USP14: variants seen among roughly 807,000 people sequenced by gnomAD.
USP14 encodes the protein ubiquitin specific peptidase 14.
In USP14, 38 loss-of-function variants were observed where a neutral mutation model predicts 76.5. That is an observed-to-expected ratio of 0.50 (90% CI 0.38 to 0.65). The LOEUF (loss-of-function observed/expected upper bound fraction) is 0.65, where lower values mean the gene tolerates loss of function less well. Among genes scored for constraint, USP14 ranks in the 30% least tolerant of loss-of-function variants. The probability of loss-of-function intolerance (pLI) is 0.00; values close to 1 mark genes in which losing one functional copy is unlikely to be tolerated. For missense variants in USP14, 467 were observed against 586.5 expected (o/e 0.80, Z 2.10); for synonymous variants, 192 against 191.7 (o/e 1.00, Z -0.01).
chr18:197,827 C>T, intron 8 of USP14, 131 bp downstream of exon 8: 1 of 721,502 alleles, frequency 1.4e-6, no homozygotes, highest in Non-Finnish European at 2.2e-6. Context: ...TTTAGATGCT[C>T]AATCTGTAGT....
intron 7 of USP14, 85 bp from the exon 8 acceptor site, chr18:197,531 G>T: frequency 2.8e-6 from 3 of 1,060,660 alleles, no homozygotes; most frequent in Non-Finnish European, 4.2e-6. Flanking sequence ...CCACTTTCTT[G>T]CCTAGGAGAC....
In USP14 at chr18:211,780, C is replaced by G. The variant is rs1251293574; in HGVS notation, c.*496C>G. ...GTTGCTCTCATTGTGTGACTCAGTG[C>G]TGCTGTCCATCCCATGGAAACATGG... On this transcript the variant is annotated 3_prime_UTR_variant, in exon 16 of 16. Coordinates refer to ENST00000261601, the MANE Select transcript of USP14 (RefSeq NM_005151.4). The G allele has an allele frequency of 6.5e-6, 1 of 152,772 alleles. No homozygotes were observed. The highest frequency in any genetic ancestry group is 1.5e-5 in the Non-Finnish European group (1 of 68,138). The allele number at this position is 152,772 out of a possible 1,614,324, so 9.5% of individuals were successfully genotyped here. A position where few individuals can be genotyped will look rare whatever the true frequency, so the allele number is the denominator to read the frequency against.
intron 3 of USP14, among the ~76,000 whole-genome samples, chr18:168,919 A>G (rs1486106571): frequency 2.0e-5 from 3 of 150,758 alleles, no homozygotes; most frequent in Non-Finnish European, 4.4e-5. Context: ...AAAAAAAAAT[A>G]CAAAACAATT....
chr18:187,404 A>G (rs961919291), intron 5 of USP14, among the ~76,000 whole-genome samples: 12 of 152,184 alleles, frequency 7.9e-5, no homozygotes, highest in Non-Finnish European at 1.6e-4. Context: ...CATATTTTAC[A>G]TATCTTTGAA....
intron 5 of USP14, among the ~76,000 whole-genome samples, chr18:188,346 A>G (rs1909990312): frequency 6.6e-6 from 1 of 152,090 alleles, no homozygotes; most frequent in Non-Finnish European, 1.5e-5. Context: ...TCTATTTGTG[A>G]TACATTATGT....
chr18:199,096 A>G (rs1910318857), intron 9 of USP14, 106 bp from the exon 10 acceptor site: 3 of 684,520 alleles, frequency 4.4e-6, no homozygotes, highest in Admixed American at 3.2e-5. Context: ...TTAAATGCCA[A>G]TGAATGATAC....
rs746881876 is a variant in USP14 at position 197,700 on chromosome 18, A to T, written c.675+4A>T. ...AGAGGATGATTCTGTTAAAGAGGTA[A>T]TTGAAATATATTTGTGATTATAGAC... On this transcript the variant is annotated splice_donor_region_variant and intron_variant, in intron 8 of 15. Coordinates refer to ENST00000261601, the MANE Select transcript of USP14 (RefSeq NM_005151.4). 1.5e-5 allele frequency: 24 copies of T among 1,602,772 alleles called. No homozygotes were observed. The highest frequency in any genetic ancestry group is 1.9e-5 in the Non-Finnish European group (22 of 1,172,944).
At chr18:168,829 T>C (rs1050456798) in intron 3 of USP14, among the ~76,000 whole-genome samples, 2 of 151,404 alleles carry the variant, frequency 1.3e-5, no homozygotes, top group African/African-American at 4.9e-5. Context: ...TCCCAGCACT[T>C]TGGGAGGCCG....
chr18:210,952 A>C (rs1332174096), intron 15 of USP14, among the ~76,000 whole-genome samples, 181 bp from the exon 16 acceptor site: 3 of 152,172 alleles, frequency 2.0e-5, no homozygotes, highest in Non-Finnish European at 4.4e-5. Context: ...AAGTAGTTGT[A>C]ACCTGGTGGA....
intron 14 of USP14, 105 bp from the exon 15 acceptor site, chr18:210,281 A>G: frequency 2.3e-6 from 2 of 865,342 alleles, no homozygotes; most frequent in Non-Finnish European, 3.6e-6. Context: ...TTGGATTCTG[A>G]TAATACTTTC....
intron 2 of USP14, among the ~76,000 whole-genome samples, chr18:164,463 C>CT (rs941877859): frequency 1.9e-4 from 28 of 145,632 alleles, no homozygotes; most frequent in Admixed American, 6.9e-4. Flanking sequence ...TTTTCTTTTT[C>CT]TTTTTTTTTG....
chr18:170,915 C>T lies in USP14; in HGVS notation c.195+4096C>T, dbSNP rs140588176. Among the ~76,000 whole-genome samples, 347 of 150,058 alleles carry T rather than the reference C, an allele frequency of 2.3e-3. 11 individuals are homozygous for T. The East Asian group carries it at 0.042, about 18-fold the overall frequency. On this transcript the variant is annotated intron_variant, in intron 3 of 15. Transcript: ENST00000261601. The stretch of plus-strand genomic sequence containing the variant: ...TAGCTAATGCATGCTGGGCTTAATA[C>T]CTAGGTGATGGGTCTATAGGTGCAG...
intron 1 of USP14, among the ~76,000 whole-genome samples, chr18:161,226 C>T (rs966841051): frequency 2.6e-5 from 4 of 152,098 alleles, no homozygotes; most frequent in African/African-American, 9.7e-5. Context: ...CCATTCCCGG[C>T]CTCTTTATGT....
intron 5 of USP14, among the ~76,000 whole-genome samples, chr18:182,672 G>GGGAGTATCTGA (rs1268699062): frequency 6.6e-6 from 1 of 152,196 alleles, no homozygotes; most frequent in African/African-American, 2.4e-5. Context: ...GAACATCTAA[G>GGGAGTATCTGA]GGAGTTCATC....
chr18:206,141 T>G (rs1910523447), intron 13 of USP14, among the ~76,000 whole-genome samples: 1 of 152,230 alleles, frequency 6.6e-6, no homozygotes, highest in Non-Finnish European at 1.5e-5. Context: ...TGCCAGATGT[T>G]TTCTAGAGTG....
At chr18:202,531 G>A (rs1910411050) in intron 10 of USP14, among the ~76,000 whole-genome samples, 1 of 152,302 alleles carries the variant, frequency 6.6e-6, no homozygotes, top group Non-Finnish European at 1.5e-5. Context: ...CCTCTAGAGT[G>A]AATATTCTGA....
chr18:191,173 A>G (rs919937770), intron 5 of USP14, among the ~76,000 whole-genome samples: 2 of 152,172 alleles, frequency 1.3e-5, no homozygotes, highest in African/African-American at 4.8e-5. Context: ...AGTTGCTAAA[A>G]TGTCTTAACA....
At chr18:197,214 C>T (rs1408182369) in intron 7 of USP14, among the ~76,000 whole-genome samples, 1 of 152,224 alleles carries the variant, frequency 6.6e-6, no homozygotes, top group Non-Finnish European at 1.5e-5. Context: ...AAGACCAGCT[C>T]CCTCACCTCC....
At position 197,651 on chromosome 18, in the gene USP14, A is replaced by T; in HGVS notation, c.630A>T (p.Val210=). Residue 210 remains valine, a synonymous_variant, in exon 8 of 16, where the codon GTA becomes GTT. Transcript: ENST00000261601. The stretch of plus-strand genomic sequence containing the variant: ...AATGTTGGATACAAATGATGCGAGT[A>T]TTGCAACAGAAATTGGAAGCAATAG... The part of the protein sequence containing the change: ...ANECWIQMMR[V]LQQKLEAIED... The T allele has an allele frequency of 6.2e-7, 1 of 1,612,764 alleles. No homozygotes were observed. Among genetic ancestry groups the T allele is most frequent in the Non-Finnish European group, 8.5e-7 (1 of 1,179,290 alleles).
Sources: allele counts gnomAD v4.1 joint callset (sites outside exome capture counted in the v4.1 genomes callset), GRCh38; gene constraint gnomAD v4.1.1; transcripts MANE v1.5; gene names NCBI Gene and HGNC (gene_info 2026-07-23, HGNC 2026-07-21).